Variants in PDPK1 observed in about 807,000 individuals in gnomAD.
The protein encoded by PDPK1 is 3-phosphoinositide dependent protein kinase 1, also known as 3-phosphoinositide-dependent protein kinase 1.
In PDPK1, 7 loss-of-function variants were observed where a neutral mutation model predicts 39.8. The ratio of observed to expected loss-of-function variants is 0.18; its 90% CI spans 0.10 to 0.33. PDPK1 has a LOEUF of 0.33. PDPK1 is among the 10% of genes least tolerant of loss of function. The pLI, the probability that PDPK1 is intolerant of heterozygous loss-of-function variation, is 1.00. For synonymous variants in PDPK1, 118 were observed against 159.1 expected (o/e 0.74, Z 1.95); for missense variants, 182 against 384.7 (o/e 0.47, Z 4.41).
intron 10 of PDPK1, 72 bp from the exon 11 acceptor site, chr16:2,586,604 G>T: frequency 7.4e-7 from 1 of 1,345,902 alleles, no homozygotes; most frequent in South Asian, 1.2e-5. Flanking sequence ...GCGGCAGTGC[G>T]GGAGGGGCTG....
intron 7 of PDPK1, among the ~76,000 whole-genome samples, chr16:2,577,714 A>G (rs2066741565): frequency 6.7e-6 from 1 of 149,188 alleles, no homozygotes; most frequent in African/African-American, 2.6e-5. Context: ...CTGGTTGCAG[A>G]TTGAATCGTT....
In PDPK1 at chr16:2,597,689, C is replaced by T. The variant is rs141143951; in HGVS notation, c.1593C>T (p.Asn531=). 832 of 1,613,712 alleles carry T rather than the reference C, an allele frequency of 5.2e-4. 2 individuals are homozygous for T. Among genetic ancestry groups the T allele is most frequent in the Non-Finnish European group, 5.3e-4 (625 of 1,179,784 alleles). The change falls in exon 14 of 14, where the codon AAC becomes AAT. Residue 531 remains asparagine, a synonymous_variant. Coordinates refer to ENST00000342085, the MANE Select transcript of PDPK1 (RefSeq NM_002613.5). This position sits in a 1 kb window ranked among gnomAD's most constrained non-coding sequence, Gnocchi z 6.3. ...RTYYLMDPSG[N]AHKWCRKIQE... Reference sequence around the variant, plus strand: ...ATTATCTGATGGACCCCAGCGGGAACGCACACAAGTGGTGCAGGAAGATCC... The same window carrying T: ...ATTATCTGATGGACCCCAGCGGGAATGCACACAAGTGGTGCAGGAAGATCC...
chr16:2,558,504 G>T (rs984516161), intron 2 of PDPK1, among the ~76,000 whole-genome samples: 2 of 150,498 alleles, frequency 1.3e-5, no homozygotes, highest in Non-Finnish European at 1.5e-5. Context: ...GAGTATTGTC[G>T]CAGTACTGTC....
intron 6 of PDPK1, among the ~76,000 whole-genome samples, chr16:2,569,701 G>GT (rs2066661669): frequency 1.0e-5 from 1 of 96,776 alleles, no homozygotes. Flanking sequence ...TCTGTTTGAG[G>GT]TAGTTCAGTA....
intron 10 of PDPK1, 58 bp from the exon 11 acceptor site, chr16:2,586,618 T>G (rs1597061595): frequency 1.5e-5 from 22 of 1,491,590 alleles, no homozygotes; most frequent in Non-Finnish European, 9.3e-7. Context: ...GGGGCTGGGG[T>G]TTTAGGACCT....
intron 11 of PDPK1, among the ~76,000 whole-genome samples, chr16:2,589,267 T>G (rs1214499068): frequency 6.6e-6 from 1 of 152,226 alleles, no homozygotes; most frequent in Non-Finnish European, 1.5e-5. Flanking sequence ...TGTATGCATT[T>G]TTTGAGATTA....
rs1267832220 is a variant in PDPK1 at position 2,588,662 on chromosome 16, C to T, written c.1343+1769C>T. On this transcript the variant is annotated intron_variant, in intron 11 of 13. Transcript: ENST00000342085. ...AGGTTTCTCTTTCCCCTTCCCACTTCCTTCAGATTTTAGGTCCTTTTGGGA... is the reference window on the plus strand; with the variant it reads ...AGGTTTCTCTTTCCCCTTCCCACTTTCTTCAGATTTTAGGTCCTTTTGGGA... Among the ~76,000 whole-genome samples the T allele has an allele frequency of 3.3e-5, 5 of 152,146 alleles. No homozygotes were observed. The East Asian group carries it at 5.8e-4, about 18-fold the overall frequency.
chr16:2,592,422 G>T (rs919694194), intron 11 of PDPK1: 36 of 267,794 alleles, frequency 1.3e-4, no homozygotes, highest in Non-Finnish European at 2.0e-4. Context: ...AGGGAGGAAA[G>T]GGCTCTCAGG....
intron 12 of PDPK1, among the ~76,000 whole-genome samples, chr16:2,596,336 C>T (rs912151671): frequency 6.6e-5 from 10 of 152,176 alleles, no homozygotes; most frequent in African/African-American, 2.2e-4. Context: ...GGACCACAGG[C>T]GCCCGCCACC....
At chr16:2,588,403 C>T (rs908576814) in intron 11 of PDPK1, among the ~76,000 whole-genome samples, 5 of 152,168 alleles carry the variant, frequency 3.3e-5, no homozygotes, top group South Asian at 4.1e-4. Flanking sequence ...GGGGTCCCCA[C>T]GAAGGGCTGC....
rs1052903909 is a variant in PDPK1, at chr16:2,598,460, C to T, written c.*693C>T. 1.7e-5 allele frequency: 4 copies of T among 233,516 alleles called. No homozygotes were observed. Among genetic ancestry groups the T allele is most frequent in the Non-Finnish European group, 3.4e-5 (4 of 118,348 alleles). The allele number at this position is 233,516 out of a possible 1,614,324, so 14.5% of individuals were successfully genotyped here. ...TTGGAGTGGTGCGGGAGCAGGCTGCCGAGTGGAGGGTGCCATCGAGGGCTC... is the reference window on the plus strand; with the variant it reads ...TTGGAGTGGTGCGGGAGCAGGCTGCTGAGTGGAGGGTGCCATCGAGGGCTC... On this transcript the variant is annotated 3_prime_UTR_variant, in exon 14 of 14. Transcript: ENST00000342085.
At position 2,598,701 on chromosome 16, in the gene PDPK1, G is replaced by A. The variant is rs762232443; in HGVS notation, c.*934G>A. The A allele has an allele frequency of 3.0e-5, 7 of 233,214 alleles. No individual in the cohort carries two copies. The highest frequency in any genetic ancestry group is 1.8e-4 in the South Asian group (1 of 5,532). 14.4% of individuals were successfully genotyped at this position (233,214 alleles called of 1,614,324 possible). A position where few individuals can be genotyped will look rare whatever the true frequency, so the allele number is the denominator to read the frequency against. On this transcript the variant is annotated 3_prime_UTR_variant, in exon 14 of 14. Coordinates refer to ENST00000342085, the MANE Select transcript of PDPK1 (RefSeq NM_002613.5). ...ACTTCCGTGTGGAGCAGAGAGGCCTGAGGGCCTCCTAAAAGGTTTAAATGT... is the reference window on the plus strand; with the variant it reads ...ACTTCCGTGTGGAGCAGAGAGGCCTAAGGGCCTCCTAAAAGGTTTAAATGT...
At position 2,539,772 on chromosome 16, in the gene PDPK1, C is replaced by T. The variant is rs1031966640; in HGVS notation, c.24+1636C>T. ...AACCTGCACCCAGTGACAGTCATGG[C>T]GAAATTTGTGAGGTTAACTCGCACC... On this transcript the variant is annotated intron_variant, in intron 1 of 13. Transcript: ENST00000342085. Among the ~76,000 whole-genome samples the T allele has an allele frequency of 3.3e-5, 5 of 152,182 alleles. No homozygotes were observed. In the East Asian group the frequency reaches 5.8e-4, roughly 18 times the overall value.
chr16:2,596,345 C>T (rs2067101537), intron 12 of PDPK1, among the ~76,000 whole-genome samples: 1 of 152,210 alleles, frequency 6.6e-6, no homozygotes, highest in Admixed American at 6.5e-5. Context: ...GCGCCCGCCA[C>T]CATGCCCGGC....
chr16:2,595,592 C>T (rs2067084572), intron 11 of PDPK1, among the ~76,000 whole-genome samples: 1 of 152,214 alleles, frequency 6.6e-6, no homozygotes, highest in East Asian at 1.9e-4. Context: ...GGCTCCGTTG[C>T]AAATACGGAT....
At chr16:2,551,601 G>T (rs2066409440) in intron 1 of PDPK1, among the ~76,000 whole-genome samples, 1 of 151,632 alleles carries the variant, frequency 6.6e-6, no homozygotes, top group South Asian at 2.1e-4. Flanking sequence ...TCTCTTGCTG[G>T]CTGAAGTGTT....
intron 11 of PDPK1, among the ~76,000 whole-genome samples, chr16:2,589,215 C>T (rs1039304849): frequency 6.6e-6 from 1 of 152,190 alleles, no homozygotes; most frequent in Non-Finnish European, 1.5e-5. Context: ...CTCGGCTTCT[C>T]AAAGTGCTGG....
At position 2,601,355 on chromosome 16, in the gene PDPK1, C is replaced by T. The variant is rs556685997; in HGVS notation, c.*3588C>T. 52 of 234,526 alleles carry T rather than the reference C, an allele frequency of 2.2e-4. No homozygotes were observed. The highest frequency in any genetic ancestry group is 7.3e-4 in the South Asian group (4 of 5,492). 14.5% of individuals were successfully genotyped at this position (234,526 alleles called of 1,614,324 possible). ...AGAGGATGTCACTACTGCAATCCAT[C>T]TGTGGCCGATTTTTTCCAAGAGCCA... On this transcript the variant is annotated 3_prime_UTR_variant, in exon 14 of 14. Transcript: ENST00000342085.
rs1326922821 is a variant in PDPK1, at chr16:2,576,028, A to G, written c.710-1397A>G. 3 of 144,850 alleles carry G rather than the reference A, an allele frequency of 2.1e-5. 1 individual carries two copies. Among genetic ancestry groups the G allele is most frequent in the Non-Finnish European group, 4.5e-5 (3 of 67,374 alleles). 9.0% of individuals were successfully genotyped at this position (144,850 alleles called of 1,614,324 possible). ...GAAACGCCGAATATGTAGGTGGAGC[A>G]AGTGGCGTCCCATCCCGCCAGCAGA... On this transcript the variant is annotated intron_variant, in intron 6 of 13. Coordinates refer to ENST00000342085, the MANE Select transcript of PDPK1 (RefSeq NM_002613.5).
Sources: allele counts gnomAD v4.1 joint callset (sites outside exome capture counted in the v4.1 genomes callset), GRCh38; gene constraint gnomAD v4.1.1; non-coding constraint Gnocchi (gnomAD v3.1); transcripts MANE v1.5; gene names NCBI Gene and HGNC (gene_info 2026-07-23, HGNC 2026-07-21).